The following ENPP2 variants were observed in gnomAD, a reference collection of about 807,000 sequenced individuals.
The protein encoded by ENPP2 is autotaxin.
ENPP2 carries 51 observed loss-of-function variants against 120.2 expected under a neutral mutation model. The observed-to-expected ratio is 0.42, with a 90% CI of 0.34 to 0.54. The LOEUF is 0.54. Among genes scored for constraint, ENPP2 ranks in the 20% least tolerant of loss-of-function variants. The pLI, the probability that ENPP2 is intolerant of heterozygous loss-of-function variation, is 0.04. For missense variants in ENPP2, 920 were observed against 1,066.5 expected, an observed-to-expected ratio of 0.86 and a Z score of 1.91; for synonymous variants, 365 against 366.4, an observed-to-expected ratio of 1.00 and a Z score of 0.04.
upstream of ENPP2, among the ~76,000 whole-genome samples, chr8:119,643,749 C>T (rs1394874801): frequency 1.3e-5 from 2 of 152,152 alleles, no homozygotes; most frequent in Non-Finnish European, 2.9e-5. Context: ...AAAATTACAA[C>T]TGTGGAAAAT....
intron 22 of ENPP2, among the ~76,000 whole-genome samples, chr8:119,566,984 C>G (rs575301836): frequency 6.6e-6 from 1 of 152,168 alleles, no homozygotes; most frequent in South Asian, 2.1e-4. Context: ...TTTCTCTAAA[C>G]CGTGTGGCCC....
rs773163688 is a variant in ENPP2 at position 119,600,663 on chromosome 8, T to A, written c.972+15A>T. 6.4e-7 allele frequency: 1 copy of A among 1,570,122 alleles called. No homozygotes were observed. Among genetic ancestry groups the A allele is most frequent in the Non-Finnish European group, 8.8e-7 (1 of 1,140,396 alleles). ...GGGCCACAGATTCTTCTCAGGCAGA[T>A]GCTAAACCACTAACCTCAGGGCCGA... On this transcript the variant is annotated intron_variant, in intron 11 of 24. Transcript: ENST00000075322.
chr8:119,576,768 G>A (rs1812370473), intron 19 of ENPP2, among the ~76,000 whole-genome samples: 1 of 152,104 alleles, frequency 6.6e-6, no homozygotes, highest in Non-Finnish European at 1.5e-5. Flanking sequence ...TCATTGCATG[G>A]AAAGTCGGCC....
chr8:119,593,166 T>C (rs749453505), intron 12 of ENPP2, among the ~76,000 whole-genome samples: 1 of 152,166 alleles, frequency 6.6e-6, no homozygotes, highest in Non-Finnish European at 1.5e-5. Flanking sequence ...TTCTACTTCA[T>C]AAAGTGGGAT....
intron 11 of ENPP2, among the ~76,000 whole-genome samples, chr8:119,596,999 G>T (rs1169282970): frequency 3.9e-5 from 6 of 152,020 alleles, no homozygotes; most frequent in Non-Finnish European, 8.8e-5. Context: ...CGGAGGGTGG[G>T]TGGGGGGAAT....
chr8:119,651,320 G>A (rs958772255), intron 1 of ENPP2, among the ~76,000 whole-genome samples: 2 of 152,222 alleles, frequency 1.3e-5, no homozygotes, highest in Non-Finnish European at 2.9e-5. Context: ...ATTCTTTTAA[G>A]TGGTAGCTAG....
chr8:119,661,645 T>G (rs572493035), intron 1 of ENPP2, among the ~76,000 whole-genome samples: 15 of 152,338 alleles, frequency 9.8e-5, no homozygotes, highest in South Asian at 4.1e-4. Flanking sequence ...AACTGCCATA[T>G]GATCTAGCAA....
intron 2 of ENPP2, among the ~76,000 whole-genome samples, chr8:119,628,542 A>G (rs1453571252): frequency 1.3e-5 from 2 of 152,212 alleles, no homozygotes; most frequent in East Asian, 1.9e-4. Flanking sequence ...CGCTATATCC[A>G]TAAGTGGACT....
intron 23 of ENPP2, among the ~76,000 whole-genome samples, chr8:119,563,720 C>T (rs773922938): frequency 1.7e-4 from 26 of 151,836 alleles, no homozygotes; most frequent in Non-Finnish European, 3.2e-4. Flanking sequence ...ATTAAAATTA[C>T]GATTTAACTA....
chr8:119,606,117 G>A (rs1382627583), intron 9 of ENPP2, among the ~76,000 whole-genome samples: 3 of 149,654 alleles, frequency 2.0e-5, no homozygotes, highest in Non-Finnish European at 3.0e-5. Context: ...TTTCCTTGAC[G>A]TATATATTCT....
chr8:119,649,578 C>G lies in ENPP2; in HGVS notation c.22-11051G>C, dbSNP rs76398110. 3.1e-3 allele frequency among the ~76,000 whole-genome samples: 476 copies of G among 152,120 alleles called. 3 individuals carry two copies. Among genetic ancestry groups the G allele is most frequent in the African/African-American group, 0.011 (459 of 41,500 alleles). ...TTGGGAAGATCTGCTTTTTCATGAT[C>G]GGAAGACATTATTGTCAATATGGCA... On this transcript the variant is annotated intron_variant, in intron 1 of 25. Coordinates refer to the ENPP2 transcript ENST00000427067.
Position 119,617,482 on chromosome 8 carries a change from A to G in ENPP2, c.561T>C (p.Pro187=). ...ATTACTTACTTAGTTTTTCAATATTAGGCATGACTTTGCTGCCTTTCTTCA... is the reference window on the plus strand; with the variant it reads ...ATTACTTACTTAGTTTTTCAATATTGGGCATGACTTTGCTGCCTTTCTTCA... ...SYMKKGSKVM[P]NIEKLRSCGT... Residue 187 remains proline, a synonymous_variant, in exon 6 of 25, where the codon CCT becomes CCC. Transcript: ENST00000075322. 1 of 1,609,110 alleles carries G rather than the reference A, an allele frequency of 6.2e-7. No individual in the cohort carries two copies. The highest frequency in any genetic ancestry group is 1.1e-5 in the South Asian group (1 of 90,880).
chr8:119,644,669 TAC>T (rs1236721044), intron 1 of ENPP2, among the ~76,000 whole-genome samples: 1 of 124,282 alleles, frequency 8.0e-6, no homozygotes, highest in Non-Finnish European at 1.7e-5. Flanking sequence ...TATATATATA[TAC>T]ACACACACAT....
intron 2 of ENPP2, 80 bp from the exon 3 acceptor site, chr8:119,626,800 G>A (rs984240164): frequency 1.7e-5 from 22 of 1,289,398 alleles, no homozygotes; most frequent in Admixed American, 3.4e-5. Flanking sequence ...GAAGCTGTGC[G>A]GTGTGATGCT....
chr8:119,625,871 A>G (rs1443228465), intron 3 of ENPP2, among the ~76,000 whole-genome samples: 1 of 152,164 alleles, frequency 6.6e-6, no homozygotes, highest in East Asian at 1.9e-4. Context: ...AAGAAATGTA[A>G]AGAAAGTCAC....
intron 15 of ENPP2, among the ~76,000 whole-genome samples, chr8:119,585,325 A>T (rs1813027862): frequency 6.6e-6 from 1 of 152,204 alleles, no homozygotes; most frequent in African/African-American, 2.4e-5. Flanking sequence ...TTACAGCATG[A>T]TATTTATGTA....
At chr8:119,588,654 G>A (rs1813288434) in intron 13 of ENPP2, among the ~76,000 whole-genome samples, 1 of 151,910 alleles carries the variant, frequency 6.6e-6, no homozygotes, top group African/African-American at 2.4e-5. Context: ...AGGAGGAGGA[G>A]TTGGCACTCT....
intron 1 of ENPP2, among the ~76,000 whole-genome samples, chr8:119,643,954 A>T (rs1242300895): frequency 6.6e-6 from 1 of 152,152 alleles, no homozygotes; most frequent in Non-Finnish European, 1.5e-5. Context: ...ATCCTGTGTA[A>T]GATGGAGGTA....
intron 19 of ENPP2, among the ~76,000 whole-genome samples, chr8:119,573,401 C>T (rs1401671307): frequency 1.1e-5 from 1 of 93,312 alleles, no homozygotes; most frequent in South Asian, 4.3e-4. Flanking sequence ...AGCGAGGCTC[C>T]GTCTCTTAAA....
Sources: gnomAD v4.1 joint callset for allele counts (sites outside exome capture counted in the v4.1 genomes callset) on GRCh38, gnomAD v4.1.1 for gene constraint, MANE v1.5 for transcripts, NCBI Gene and HGNC (gene_info 2026-07-23, HGNC 2026-07-21) for gene names.